The following GRID2 variants were observed in gnomAD, a reference collection of about 807,000 sequenced individuals.
The protein encoded by GRID2 is glutamate ionotropic receptor delta type subunit 2.
A neutral mutation model predicts 114.8 loss-of-function variants in GRID2; 33 were observed. The observed-to-expected ratio is 0.29, with a 90% CI of 0.22 to 0.38. The LOEUF (loss-of-function observed/expected upper bound fraction) is 0.38, where lower values mean the gene tolerates loss of function less well. Ranked by LOEUF, GRID2 falls within the 10% of genes least tolerant of loss-of-function variation. The probability of loss-of-function intolerance (pLI) is 1.00; values close to 1 mark genes in which losing one functional copy is unlikely to be tolerated. For missense variants in GRID2, 1,184 were observed against 1,257.7 expected, an observed-to-expected ratio of 0.94 and a Z score of 0.89; for synonymous variants, 505 against 449.9, an observed-to-expected ratio of 1.12 and a Z score of -1.55.
chr4:92,526,585 C>G (rs1471460615), intron 1 of GRID2, among the ~76,000 whole-genome samples: 1 of 152,068 alleles, frequency 6.6e-6, no homozygotes, highest in African/African-American at 2.4e-5. Context: ...CATATGTGAT[C>G]CACTTACCTC....
At chr4:93,402,338 G>A (rs1014111974) in intron 9 of GRID2, among the ~76,000 whole-genome samples, 1 of 151,986 alleles carries the variant, frequency 6.6e-6, no homozygotes, top group African/African-American at 2.4e-5. Context: ...TGTAAAACAG[G>A]AATAATAAAA....
chr4:93,332,949 G>A (rs1758654002), intron 8 of GRID2, among the ~76,000 whole-genome samples: 1 of 152,030 alleles, frequency 6.6e-6, no homozygotes, highest in Non-Finnish European at 1.5e-5. Flanking sequence ...AAATGTAATA[G>A]CAATTTCTCC....
chr4:93,035,490 A>G (rs1311025722), intron 2 of GRID2, among the ~76,000 whole-genome samples: 1 of 152,160 alleles, frequency 6.6e-6, no homozygotes, highest in African/African-American at 2.4e-5. Flanking sequence ...GGTTACTACA[A>G]GAAAGATTAA....
At chr4:92,309,831 C>A (rs1019321628) in intron 1 of GRID2, among the ~76,000 whole-genome samples, 1 of 151,692 alleles carries the variant, frequency 6.6e-6, no homozygotes, top group Non-Finnish European at 1.5e-5. Flanking sequence ...ATCTAAGACA[C>A]CTGGAAGGAT....
chr4:93,213,273 T>G (rs937559949), intron 5 of GRID2, among the ~76,000 whole-genome samples: 7 of 152,298 alleles, frequency 4.6e-5, no homozygotes, highest in East Asian at 1.9e-4. Flanking sequence ...GCCTAATTGA[T>G]TCATATTAAT....
At chr4:92,570,640 T>G (rs573847942) in intron 1 of GRID2, among the ~76,000 whole-genome samples, 1 of 152,188 alleles carries the variant, frequency 6.6e-6, no homozygotes, top group South Asian at 2.1e-4. Context: ...TTGACAGTGG[T>G]TTATAGTTTT....
intron 9 of GRID2, among the ~76,000 whole-genome samples, chr4:93,420,241 C>A (rs76782098): frequency 0.084 from 12,805 of 152,120 alleles, 705 homozygotes; most frequent in African/African-American, 0.16. Context: ...TATCACAATA[C>A]AAGCATTAAA....
intron 8 of GRID2, among the ~76,000 whole-genome samples, chr4:93,292,384 G>C (rs907592077): frequency 6.6e-6 from 1 of 152,108 alleles, no homozygotes; most frequent in Admixed American, 6.5e-5. Flanking sequence ...GAAATTTAGA[G>C]GTTTGGTAAT....
At chr4:93,451,042 A>G (rs746111219) in intron 10 of GRID2, among the ~76,000 whole-genome samples, 4 of 151,992 alleles carry the variant, frequency 2.6e-5, no homozygotes, top group Non-Finnish European at 5.9e-5. Context: ...GATGGAAGAG[A>G]TTTATAATAA....
At chr4:93,589,146 AC>A (rs1737865650) in intron 13 of GRID2, among the ~76,000 whole-genome samples, 1 of 151,626 alleles carries the variant, frequency 6.6e-6, no homozygotes, top group South Asian at 2.1e-4. Context: ...GGTGTGCTGC[AC>A]GCACTAACTC....
intron 8 of GRID2, among the ~76,000 whole-genome samples, chr4:93,308,854 T>C (rs1387490383): frequency 6.6e-6 from 1 of 152,184 alleles, no homozygotes; most frequent in Non-Finnish European, 1.5e-5. Context: ...AAATATTCCT[T>C]GTGAAGGAAA....
At chr4:92,652,708 C>G (rs1732002861) in intron 2 of GRID2, among the ~76,000 whole-genome samples, 1 of 141,372 alleles carries the variant, frequency 7.1e-6, no homozygotes, top group African/African-American at 2.6e-5. Flanking sequence ...CGGTGGCTCA[C>G]TCCTGTAATC....
chr4:92,895,241 A>T (rs1179175198), intron 2 of GRID2, among the ~76,000 whole-genome samples: 1 of 151,704 alleles, frequency 6.6e-6, no homozygotes, highest in Non-Finnish European at 1.5e-5. Flanking sequence ...AAGATGGCAA[A>T]ACAAGGTTCT....
At chr4:93,613,596 TG>T (rs1741217834) in intron 13 of GRID2, among the ~76,000 whole-genome samples, 1 of 106,622 alleles carries the variant, frequency 9.4e-6, no homozygotes, top group Admixed American at 9.4e-5. Context: ...GTGCCCCTGC[TG>T]GGGGGTGCCT....
intron 2 of GRID2, among the ~76,000 whole-genome samples, chr4:92,808,822 G>A (rs1233333157): frequency 2.6e-5 from 4 of 151,028 alleles, no homozygotes; most frequent in Non-Finnish European, 3.0e-5. Context: ...TTCCCATGTT[G>A]GCTAACACTG....
intron 10 of GRID2, among the ~76,000 whole-genome samples, chr4:93,423,297 T>G (rs866736900): frequency 6.6e-6 from 1 of 150,984 alleles, no homozygotes; most frequent in African/African-American, 2.4e-5. Flanking sequence ...GAAATCACAA[T>G]GTAAGTTACA....
intron 1 of GRID2, among the ~76,000 whole-genome samples, chr4:92,331,172 A>G (rs184247367): frequency 1.3e-5 from 2 of 152,296 alleles, no homozygotes; most frequent in East Asian, 1.9e-4. Flanking sequence ...ACCTTGATTT[A>G]CTTTTTGAAT....
chr4:92,996,154 G>T (rs1755184191), intron 2 of GRID2, among the ~76,000 whole-genome samples: 1 of 151,860 alleles, frequency 6.6e-6, no homozygotes, highest in Admixed American at 6.6e-5. Flanking sequence ...GCCAGGCATG[G>T]TAGCAGGAGC....
intron 2 of GRID2, among the ~76,000 whole-genome samples, chr4:92,867,240 A>G (rs959394009): frequency 2.6e-5 from 4 of 152,184 alleles, no homozygotes; most frequent in African/African-American, 9.7e-5. Flanking sequence ...TATTCAAAGT[A>G]ACAGCTATCC....
Sources: allele counts gnomAD v4.1 joint callset (sites outside exome capture counted in the v4.1 genomes callset), GRCh38; gene constraint gnomAD v4.1.1; transcripts MANE v1.5; gene names NCBI Gene and HGNC (gene_info 2026-07-23, HGNC 2026-07-21).